The following RIMS1 variants were observed in gnomAD, a reference collection of about 807,000 sequenced individuals.
RIMS1 encodes regulating synaptic membrane exocytosis 1, also known as regulating synaptic membrane exocytosis protein 1.
A neutral mutation model predicts 214.1 loss-of-function variants in RIMS1; 83 were observed. That is an observed-to-expected ratio of 0.39 (90% CI 0.32 to 0.47). RIMS1 has a LOEUF of 0.47. RIMS1 is among the 20% of genes least tolerant of loss of function. The pLI, the probability that RIMS1 is intolerant of heterozygous loss-of-function variation, is 0.99. For synonymous variants in RIMS1, 793 were observed against 786.8 expected (o/e 1.01, Z -0.13); for missense variants, 2,050 against 2,161.8 (o/e 0.95, Z 1.03).
intron 4 of RIMS1, among the ~76,000 whole-genome samples, chr6:72,149,339 G>A (rs1277800862): frequency 3.3e-5 from 5 of 152,124 alleles, no homozygotes; most frequent in Admixed American, 6.5e-5. Context: ...AAAAGTCTGG[G>A]CATCTTGGCT....
chr6:72,287,491 G>C, intron 24 of RIMS1, among the ~76,000 whole-genome samples: 1 of 152,146 alleles, frequency 6.6e-6, no homozygotes, highest in Non-Finnish European at 1.5e-5. Context: ...ATGAAGGAGA[G>C]TAGGCATGGA....
chr6:72,151,133 C>G (rs1016079257), intron 4 of RIMS1, among the ~76,000 whole-genome samples: 1 of 152,144 alleles, frequency 6.6e-6, no homozygotes, highest in African/African-American at 2.4e-5. Flanking sequence ...CGCTCCGCCT[C>G]CCAGGTTCAC....
At chr6:72,368,126 A>G (rs2098097742) in intron 29 of RIMS1, among the ~76,000 whole-genome samples, 1 of 152,026 alleles carries the variant, frequency 6.6e-6, no homozygotes, top group Non-Finnish European at 1.5e-5. Context: ...TGCCATCATT[A>G]TGCTTAACCA....
chr6:72,392,668 T>A, intron 30 of RIMS1, 30 bp from the exon 31 acceptor site: 1 of 1,479,276 alleles, frequency 6.8e-7, no homozygotes, highest in African/African-American at 1.4e-5. Context: ...CATGGGTTTT[T>A]TCCTTTGGTT....
chr6:71,969,330 TTTTG>T (rs79910796), intron 2 of RIMS1, among the ~76,000 whole-genome samples: 4,434 of 152,228 alleles, frequency 0.029, 101 homozygotes, highest in Non-Finnish European at 0.039. Flanking sequence ...AGCAATTCTT[TTTTG>T]TTTGTTTGAT....
At chr6:72,089,166 GA>G (rs1041716580) in intron 2 of RIMS1, among the ~76,000 whole-genome samples, 1 of 152,130 alleles carries the variant, frequency 6.6e-6, no homozygotes, top group African/African-American at 2.4e-5. Context: ...CTAGAAATCT[GA>G]AAACTGCATT....
At chr6:71,976,495 G>A (rs1797177465) in intron 2 of RIMS1, among the ~76,000 whole-genome samples, 2 of 152,076 alleles carry the variant, frequency 1.3e-5, no homozygotes, top group East Asian at 3.9e-4. Flanking sequence ...ATGGATAGAA[G>A]ATCTTTGTCA....
Position 72,383,339 on chromosome 6 carries a change from T to C in RIMS1, c.4367-7259T>C, listed in dbSNP as rs7762134. Among the ~76,000 whole-genome samples, 3 of 152,118 alleles carry C rather than the reference T, an allele frequency of 2.0e-5. No homozygotes were observed. In the East Asian group the frequency reaches 5.8e-4, roughly 29 times the overall value. On this transcript the variant is annotated intron_variant, in intron 29 of 33. Coordinates refer to ENST00000521978, the MANE Select transcript of RIMS1 (RefSeq NM_014989.7). ...CCTTTTCACACTTACATATACAGTA[T>C]TGGGGCACAAAGCACTAAGGAAATA...
At chr6:72,173,456 T>A (rs975900626) in intron 4 of RIMS1, among the ~76,000 whole-genome samples, 1 of 152,072 alleles carries the variant, frequency 6.6e-6, no homozygotes, top group Non-Finnish European at 1.5e-5. Flanking sequence ...TTTTATTTCA[T>A]GTGTTTTATC....
At chr6:72,142,120 A>G (rs2153883643) in intron 4 of RIMS1, among the ~76,000 whole-genome samples, 1 of 152,078 alleles carries the variant, frequency 6.6e-6, no homozygotes, top group Non-Finnish European at 1.5e-5. Context: ...TAAGTATGTG[A>G]CTGGAAATTA....
At position 72,341,185 on chromosome 6, in the gene RIMS1, G is replaced by T. The variant is rs563528285; in HGVS notation, c.4366+7350G>T. Among the ~76,000 whole-genome samples, 10 of 152,110 alleles carry T rather than the reference G, an allele frequency of 6.6e-5. No homozygotes were observed. In the South Asian group the frequency reaches 2.1e-3, roughly 32 times the overall value. On this transcript the variant is annotated intron_variant, in intron 29 of 33. Coordinates refer to ENST00000521978, the MANE Select transcript of RIMS1 (RefSeq NM_014989.7). The stretch of plus-strand genomic sequence containing the variant: ...TTACAGCTTAAGGAGATTTTGGGCT[G>T]AGACGACGGGGTTTTCTAGGTATAC...
At chr6:72,154,076 T>G (rs1429063811) in intron 4 of RIMS1, among the ~76,000 whole-genome samples, 1 of 152,142 alleles carries the variant, frequency 6.6e-6, no homozygotes, top group African/African-American at 2.4e-5. Context: ...GAGTGCTTGA[T>G]TCCTGGAAAG....
intron 2 of RIMS1, among the ~76,000 whole-genome samples, chr6:72,042,730 T>C (rs1821799573): frequency 6.6e-6 from 1 of 151,866 alleles, no homozygotes; most frequent in Non-Finnish European, 1.5e-5. Flanking sequence ...AACAATCTGT[T>C]CTATCTTTAG....
chr6:72,373,947 A>G (rs2098296289), intron 29 of RIMS1, among the ~76,000 whole-genome samples: 3 of 152,018 alleles, frequency 2.0e-5, no homozygotes, highest in Non-Finnish European at 4.4e-5. Flanking sequence ...TTGAAGTCTC[A>G]CTCTGTCACC....
intron 30 of RIMS1, among the ~76,000 whole-genome samples, chr6:72,391,908 C>G (rs1204423634): frequency 6.6e-6 from 1 of 152,118 alleles, no homozygotes; most frequent in Non-Finnish European, 1.5e-5. Context: ...CATTTAATCT[C>G]TTGGATTTAT....
chr6:72,307,488 G>C (rs117780609), intron 27 of RIMS1, 118 bp downstream of exon 27: 1 of 623,412 alleles, frequency 1.6e-6, no homozygotes, highest in Non-Finnish European at 2.7e-6. Flanking sequence ...GCCGGGCATG[G>C]TAGCTCACAC....
At chr6:72,271,702 A>G (rs2083480232) in intron 22 of RIMS1, among the ~76,000 whole-genome samples, 1 of 152,144 alleles carries the variant, frequency 6.6e-6, no homozygotes, top group African/African-American at 2.4e-5. Flanking sequence ...GAGGCCTATC[A>G]ATTCTCAATC....
intron 4 of RIMS1, among the ~76,000 whole-genome samples, chr6:72,176,317 C>T (rs574519718): frequency 7.9e-5 from 12 of 152,246 alleles, no homozygotes; most frequent in African/African-American, 2.9e-4. Flanking sequence ...AAAAATGACT[C>T]CCTACAGCAC....
chr6:71,934,594 A>C (rs753484854), intron 1 of RIMS1, among the ~76,000 whole-genome samples: 1 of 152,196 alleles, frequency 6.6e-6, no homozygotes, highest in African/African-American at 2.4e-5. Flanking sequence ...CACTAATTGT[A>C]GGTGGGCATT....
Sources: gnomAD v4.1 joint callset for allele counts (sites outside exome capture counted in the v4.1 genomes callset) on GRCh38, gnomAD v4.1.1 for gene constraint, MANE v1.5 for transcripts, NCBI Gene and HGNC (gene_info 2026-07-23, HGNC 2026-07-21) for gene names.